The following CYP4F22 variants were observed in gnomAD, a reference collection of about 807,000 sequenced individuals.
CYP4F22 encodes ultra-long-chain fatty acid omega-hydroxylase.
In CYP4F22, 37 loss-of-function variants were observed where a neutral mutation model predicts 60.4. The ratio of observed to expected loss-of-function variants is 0.61; its 90% CI spans 0.47 to 0.81. The LOEUF is 0.81. Among genes scored for constraint, CYP4F22 ranks in the 30% least tolerant of loss-of-function variants. The pLI is 0.00. For synonymous variants in CYP4F22, 258 were observed against 280.5 expected (o/e 0.92, Z 0.80); for missense variants, 655 against 715.0 (o/e 0.92, Z 0.96).
intron 1 of CYP4F22, among the ~76,000 whole-genome samples, chr19:15,512,339 T>C (rs1030639203): frequency 6.6e-6 from 1 of 152,128 alleles, no homozygotes; most frequent in Middle Eastern, 3.2e-3. Context: ...ATTAAATTAA[T>C]TTTAGTTTTT....
Position 15,544,279 on chromosome 19 carries a change from G to A in CYP4F22, c.1136G>A (p.Trp379Ter), listed in dbSNP as rs1265496034. The A allele has an allele frequency of 6.2e-7, 1 of 1,613,464 alleles. No homozygotes were observed. The highest frequency in any genetic ancestry group is 1.3e-5 in the African/African-American group (1 of 75,036). ...MKGRELEELE[W>*]DDLTQLPFTT... ...GGCCGGGAGCTGGAGGAGCTGGAGT[G>A]GTGAGTGTGGGGTCAGGGGAATGGA... Residue 379 changes from tryptophan to a stop codon, truncating the protein, a stop_gained and splice_region_variant, in exon 10 of 14, where the codon TGG becomes TAG. Transcript: ENST00000269703. LOFTEE classifies it high-confidence loss of function.
chr19:15,531,321 A>T lies in CYP4F22; in HGVS notation c.367+1468A>T, dbSNP rs371205953. ...CTTGAGCCCAGCAGATGGAGGCTGC[A>T]GTGAGCTATGATTGCACCACTGCTG... On this transcript the variant is annotated intron_variant, in intron 4 of 13. Coordinates refer to ENST00000269703, the MANE Select transcript of CYP4F22 (RefSeq NM_173483.4). Among the ~76,000 whole-genome samples, 198 of 151,502 alleles carry T rather than the reference A, an allele frequency of 1.3e-3. 1 individual carries two copies. Among genetic ancestry groups the T allele is most frequent in the African/African-American group, 4.7e-3 (192 of 41,238 alleles).
chr19:15,543,238 C>T (rs73512670), intron 8 of CYP4F22, among the ~76,000 whole-genome samples: 7,893 of 152,204 alleles, frequency 0.052, 224 homozygotes, highest in South Asian at 0.085. Flanking sequence ...CTTGCTCTGT[C>T]ACACAGGCTG....
intron 4 of CYP4F22, among the ~76,000 whole-genome samples, chr19:15,531,117 C>G (rs1971338078): frequency 6.6e-6 from 1 of 152,170 alleles, no homozygotes; most frequent in Admixed American, 6.5e-5. Flanking sequence ...TGATGTGCAC[C>G]TGTAGTCTCG....
chr19:15,515,232 C>A (rs1971139621), intron 1 of CYP4F22: 2 of 666,124 alleles, frequency 3.0e-6, no homozygotes, highest in South Asian at 2.8e-5. Flanking sequence ...CCTTTACCCA[C>A]CGTCTCTCGG....
Position 15,511,075 on chromosome 19 carries a change from T to C in CYP4F22, c.-109+2492T>C, listed in dbSNP as rs1971086467. ...CCTGCCTCCCGGGTTCAAGCTGTTCTCTTGCCTCAGCCTCCTGAGTAGCTG... is the reference window on the plus strand; with the variant it reads ...CCTGCCTCCCGGGTTCAAGCTGTTCCCTTGCCTCAGCCTCCTGAGTAGCTG... On this transcript the variant is annotated intron_variant, in intron 1 of 13. Coordinates refer to ENST00000269703, the MANE Select transcript of CYP4F22 (RefSeq NM_173483.4). 2.0e-5 allele frequency among the ~76,000 whole-genome samples: 3 copies of C among 149,600 alleles called. No individual in the cohort carries two copies. In the South Asian group the frequency reaches 6.4e-4, roughly 32 times the overall value.
At chr19:15,545,229 A>G (rs1265079736) in intron 10 of CYP4F22, among the ~76,000 whole-genome samples, 2 of 152,072 alleles carry the variant, frequency 1.3e-5, no homozygotes, top group Non-Finnish European at 2.9e-5. Flanking sequence ...AAGGCACTGA[A>G]GAATCATATG....
chr19:15,510,234 A>C (rs1971074535), intron 1 of CYP4F22, among the ~76,000 whole-genome samples: 1 of 152,032 alleles, frequency 6.6e-6, no homozygotes. Flanking sequence ...CACCCGCCTC[A>C]GCCTCCCAAA....
chr19:15,538,211 T>C (rs1971422111), intron 7 of CYP4F22, among the ~76,000 whole-genome samples: 1 of 152,074 alleles, frequency 6.6e-6, no homozygotes, highest in South Asian at 2.1e-4. Context: ...AGTCATTGTG[T>C]GAGAATTAAA....
intron 2 of CYP4F22, among the ~76,000 whole-genome samples, chr19:15,524,669 G>GGAGA (rs35033946): frequency 9.1e-5 from 11 of 120,706 alleles, no homozygotes; most frequent in South Asian, 5.4e-4. Context: ...AAAGAAAGAA[G>GGAGA]GAGAGAGAGA....
At chr19:15,532,659 G>A (rs1022959147) in intron 4 of CYP4F22, among the ~76,000 whole-genome samples, 1 of 151,792 alleles carries the variant, frequency 6.6e-6, no homozygotes, top group African/African-American at 2.4e-5. Flanking sequence ...TGGGATTACA[G>A]GCGTGAGCTA....
At chr19:15,551,083 G>A (rs750226784) in intron 13 of CYP4F22, among the ~76,000 whole-genome samples, 4 of 152,182 alleles carry the variant, frequency 2.6e-5, no homozygotes, top group Non-Finnish European at 4.4e-5. Flanking sequence ...CAGCTAGTAA[G>A]AGGCTGTACT....
At chr19:15,510,953 T>C (rs1210556647) in intron 1 of CYP4F22, among the ~76,000 whole-genome samples, 1 of 113,736 alleles carries the variant, frequency 8.8e-6, no homozygotes, top group African/African-American at 3.8e-5. Flanking sequence ...ACCATATATA[T>C]ATATATATAT....
At chr19:15,533,143 G>A (rs939036809) in intron 4 of CYP4F22, among the ~76,000 whole-genome samples, 1 of 152,164 alleles carries the variant, frequency 6.6e-6, no homozygotes, top group Non-Finnish European at 1.5e-5. Flanking sequence ...TGGGCCTTTG[G>A]ACTAGGAAAT....
chr19:15,518,436 C>T (rs1241104005), intron 1 of CYP4F22, among the ~76,000 whole-genome samples: 5 of 148,856 alleles, frequency 3.4e-5, no homozygotes, highest in Non-Finnish European at 7.4e-5. Flanking sequence ...GTCAGGAGAT[C>T]GAGACCATCC....
chr19:15,518,649 A>G (rs937580240), intron 1 of CYP4F22, among the ~76,000 whole-genome samples: 2 of 140,982 alleles, frequency 1.4e-5, no homozygotes, highest in African/African-American at 2.7e-5. Context: ...CTTTGTCTCA[A>G]AAAAAAAAAA....
intron 1 of CYP4F22, among the ~76,000 whole-genome samples, chr19:15,516,296 ATAT>A (rs1288440988): frequency 6.6e-6 from 1 of 152,168 alleles, no homozygotes; most frequent in African/African-American, 2.4e-5. Flanking sequence ...TTATTTGGAA[ATAT>A]TATTGCTTTT....
intron 3 of CYP4F22, among the ~76,000 whole-genome samples, chr19:15,526,935 T>C (rs1191530970): frequency 6.6e-6 from 1 of 152,032 alleles, no homozygotes; most frequent in Non-Finnish European, 1.5e-5. Flanking sequence ...GTACTTTTAG[T>C]AGGGACAGGG....
intron 1 of CYP4F22, chr19:15,516,691 G>T: frequency 1.9e-6 from 1 of 515,962 alleles, no homozygotes; most frequent in Non-Finnish European, 3.6e-6. Context: ...AGGAGCAATG[G>T]ATAAGAGATA....
Sources: gnomAD v4.1 joint callset for allele counts (sites outside exome capture counted in the v4.1 genomes callset) on GRCh38, gnomAD v4.1.1 for gene constraint, MANE v1.5 for transcripts, NCBI Gene and HGNC (gene_info 2026-07-23, HGNC 2026-07-21) for gene names.